The following SEC14L1 variants were observed in gnomAD, a reference collection of about 807,000 sequenced individuals.
SEC14L1 encodes the protein SEC14-like protein 1.
SEC14L1 carries 48 observed loss-of-function variants against 85.3 expected under a neutral mutation model. That is an observed-to-expected ratio of 0.56 (90% confidence interval 0.45 to 0.72). The LOEUF is 0.72. Ranked by LOEUF, SEC14L1 falls within the 30% of genes least tolerant of loss-of-function variation. The pLI is 0.00. For missense variants in SEC14L1, 682 were observed against 921.4 expected (o/e 0.74, Z 3.36); for synonymous variants, 391 against 355.5 (o/e 1.10, Z -1.12).
rs770039755 is a variant in SEC14L1, at chr17:77,213,930, G to A, written c.2055G>A (p.Thr685=). 15 of 1,613,200 alleles carry A rather than the reference G, an allele frequency of 9.3e-6. No individual in the cohort carries two copies. The Admixed American group carries it at 1.3e-4, about 14-fold the overall frequency. ...TGTGCCATTACAGAGGTTCCATGAC[G>A]AGCCTGGAGTCCAGCCACAGCGGCT... is the stretch of plus-strand genomic sequence containing the variant. ...IGSEDFRGSM[T]SLESSHSGFS... Residue 685 remains threonine (T), a synonymous_variant, in exon 17 of 17, where the codon ACG becomes ACA. Coordinates refer to ENST00000436233, the MANE Select transcript of SEC14L1 (RefSeq NM_001143998.2). The surrounding 1 kb of genome is among the most constrained non-coding windows in gnomAD (Gnocchi z 7.1).
chr17:77,173,863 C>G (rs534413030), intron 3 of SEC14L1, among the ~76,000 whole-genome samples: 3 of 151,878 alleles, frequency 2.0e-5, no homozygotes, highest in South Asian at 2.1e-4. Flanking sequence ...TTGTGAGGCT[C>G]AACCTCTCTT....
chr17:77,140,770 A>G (rs896624677), upstream of SEC14L1: 4 of 149,704 alleles, frequency 2.7e-5, no homozygotes, highest in African/African-American at 5.0e-5. Flanking sequence ...AGCTCCTCCC[A>G]CGCTCGCGGG....
At chr17:77,191,015 G>T in intron 4 of SEC14L1, 63 bp downstream of exon 4, 1 of 1,591,332 alleles carries the variant, frequency 6.3e-7, no homozygotes. Context: ...GCGTCCTGGT[G>T]GGAGAGGGCG....
intron 6 of SEC14L1, among the ~76,000 whole-genome samples, chr17:77,194,235 G>A (rs1348259953): frequency 6.6e-6 from 1 of 152,018 alleles, no homozygotes; most frequent in Non-Finnish European, 1.5e-5. Flanking sequence ...TAATTTTGTA[G>A]CAATTCAGTT....
chr17:77,133,552 C>T (rs1011099675), intron 3 of SEC14L1, among the ~76,000 whole-genome samples: 4 of 152,186 alleles, frequency 2.6e-5, no homozygotes, highest in African/African-American at 9.7e-5. Flanking sequence ...GTCCCAAGGG[C>T]ACCTGGTATG....
intron 3 of SEC14L1, among the ~76,000 whole-genome samples, chr17:77,147,518 C>T (rs989348357): frequency 3.3e-5 from 5 of 152,084 alleles, no homozygotes; most frequent in Admixed American, 2.6e-4. Flanking sequence ...GAGCTTTCAG[C>T]GAGTTGGAGC....
intron 3 of SEC14L1, among the ~76,000 whole-genome samples, chr17:77,148,946 T>G (rs528020175): frequency 6.6e-6 from 1 of 152,316 alleles, no homozygotes; most frequent in South Asian, 2.1e-4. Context: ...AACTTGAACA[T>G]TTGTTTCTGT....
upstream of SEC14L1, among the ~76,000 whole-genome samples, chr17:77,136,271 TTC>T (rs1044779100): frequency 1.1e-4 from 16 of 151,622 alleles, no homozygotes; most frequent in South Asian, 2.1e-4. Context: ...TTCTCTCTTT[TTC>T]TCTCTCTCTT....
At chr17:77,092,951 C>CAAA (rs35244244) in intron 2 of SEC14L1, among the ~76,000 whole-genome samples, 27 of 84,372 alleles carry the variant, frequency 3.2e-4, no homozygotes, top group South Asian at 4.0e-4. Flanking sequence ...AACTCCGTCT[C>CAAA]AAAAAAAAAA....
intron 3 of SEC14L1, among the ~76,000 whole-genome samples, chr17:77,110,301 C>G (rs1302706099): frequency 6.6e-6 from 1 of 152,144 alleles, no homozygotes; most frequent in East Asian, 1.9e-4. Flanking sequence ...ATGATTGTTT[C>G]CTAGGGTCAC....
intron 3 of SEC14L1, among the ~76,000 whole-genome samples, chr17:77,107,162 G>T (rs995588237): frequency 3.9e-5 from 6 of 152,198 alleles, no homozygotes; most frequent in African/African-American, 1.4e-4. Context: ...TGGACCCACA[G>T]GGGAAAGAAC....
In SEC14L1 at chr17:77,214,903, C is replaced by T; in HGVS notation, c.*880C>T. On this transcript the variant is annotated 3_prime_UTR_variant, in exon 17 of 17. Transcript: ENST00000436233. Reference sequence around the variant, plus strand: ...TCCTCAGAGCCCAGACAGTTCCAGCCACTAGGAGGCCGTCTTGGAACCAGC... The same window carrying T: ...TCCTCAGAGCCCAGACAGTTCCAGCTACTAGGAGGCCGTCTTGGAACCAGC... The T allele has an allele frequency of 2.0e-6, 2 of 985,462 alleles. No homozygotes were observed. Among genetic ancestry groups the T allele is most frequent in the Non-Finnish European group, 2.4e-6 (2 of 829,966 alleles). 61.0% of individuals were successfully genotyped at this position (985,462 alleles called of 1,614,324 possible).
chr17:77,214,570 G>A lies in SEC14L1; in HGVS notation c.*547G>A. On this transcript the variant is annotated 3_prime_UTR_variant, in exon 17 of 17. Coordinates refer to ENST00000436233, the MANE Select transcript of SEC14L1 (RefSeq NM_001143998.2). ...CTTATCCTCTGAGGATTCAGAGGTT[G>A]CCTGCGGAGTACCTTGTCCCAGGGC... 5.1e-6 allele frequency: 5 copies of A among 989,142 alleles called. No individual in the cohort carries two copies. The highest frequency in any genetic ancestry group is 6.0e-6 in the Non-Finnish European group (5 of 832,212). The allele number at this position is 989,142 out of a possible 1,614,324, so 61.3% of individuals were successfully genotyped here.
chr17:77,202,042 C>T (rs1001890600), intron 9 of SEC14L1, among the ~76,000 whole-genome samples: 1 of 152,040 alleles, frequency 6.6e-6, no homozygotes, highest in African/African-American at 2.4e-5. Flanking sequence ...TGGGACTGTG[C>T]GGCAGGAGGC....
intron 3 of SEC14L1, among the ~76,000 whole-genome samples, chr17:77,160,348 A>G (rs1365624083): frequency 2.6e-5 from 4 of 152,252 alleles, no homozygotes; most frequent in Non-Finnish European, 5.9e-5. Flanking sequence ...CTGAAGGGGA[A>G]TATGCACACT....
chr17:77,143,702 A>G (rs1187245463), intron 3 of SEC14L1, 43 bp downstream of exon 3: 2 of 1,382,158 alleles, frequency 1.4e-6, no homozygotes, highest in Non-Finnish European at 2.1e-6. Flanking sequence ...CTTCTTATTT[A>G]TAAAGTACAG....
At chr17:77,202,950 AAAC>A (rs1240520439) in intron 9 of SEC14L1, among the ~76,000 whole-genome samples, 2 of 149,536 alleles carry the variant, frequency 1.3e-5, no homozygotes, top group Non-Finnish European at 3.0e-5. Context: ...AAAAAAAAAA[AAAC>A]AGAGTAGAGC....
intron 3 of SEC14L1, among the ~76,000 whole-genome samples, chr17:77,121,375 T>A (rs1261943138): frequency 6.6e-6 from 1 of 152,142 alleles, no homozygotes; most frequent in Non-Finnish European, 1.5e-5. Context: ...TATCTTTTTT[T>A]TGAGACAGAG....
chr17:77,163,624 G>T (rs1285589386), intron 3 of SEC14L1, among the ~76,000 whole-genome samples: 2 of 152,212 alleles, frequency 1.3e-5, no homozygotes, highest in East Asian at 3.8e-4. Flanking sequence ...CTTGCAGAGA[G>T]CAGACGCTGT....
Sources: allele counts gnomAD v4.1 joint callset (sites outside exome capture counted in the v4.1 genomes callset), GRCh38; gene constraint gnomAD v4.1.1; non-coding constraint Gnocchi (gnomAD v3.1); transcripts MANE v1.5; gene names NCBI Gene and HGNC (gene_info 2026-07-23, HGNC 2026-07-21).